Variants in KLHL2 observed in about 807,000 individuals in gnomAD.
KLHL2 encodes the protein kelch-like protein 2.
Under a neutral mutation model 75.8 loss-of-function variants are expected in KLHL2, and 15 were observed. That is an observed-to-expected ratio of 0.20 (90% confidence interval 0.13 to 0.30). KLHL2 has a LOEUF of 0.30. KLHL2 is among the 10% of genes least tolerant of loss of function. KLHL2 has a pLI of 1.00. For synonymous variants in KLHL2, 214 were observed against 251.9 expected (o/e 0.85, Z 1.42); for missense variants, 381 against 741.0 (o/e 0.51, Z 5.64).
intron 5 of KLHL2, among the ~76,000 whole-genome samples, chr4:165,272,542 C>G (rs115146063): frequency 6.6e-6 from 1 of 152,044 alleles, no homozygotes; most frequent in East Asian, 1.9e-4. Context: ...TCCTGGGCTG[C>G]CAGTTTTCTC....
chr4:165,287,350 G>T (rs1339902885), intron 5 of KLHL2, among the ~76,000 whole-genome samples: 2 of 152,048 alleles, frequency 1.3e-5, no homozygotes, highest in African/African-American at 2.4e-5. Context: ...TTAAGGAATT[G>T]TATGTATATA....
intron 4 of KLHL2, among the ~76,000 whole-genome samples, chr4:165,259,849 A>G (rs1246977453): frequency 1.3e-5 from 2 of 152,208 alleles, no homozygotes; most frequent in East Asian, 3.8e-4. Context: ...GACTCGCTGT[A>G]TGACTTGGTC....
intron 2 of KLHL2, among the ~76,000 whole-genome samples, chr4:165,222,455 G>A (rs1278758083): frequency 6.6e-6 from 1 of 152,120 alleles, no homozygotes; most frequent in Non-Finnish European, 1.5e-5. Context: ...CCTTTCAGCA[G>A]CTGGGTCTGG....
Position 165,220,015 on chromosome 4 carries a change from T to G in KLHL2, c.108T>G (p.Pro36=), listed in dbSNP as rs767286814. The change falls in exon 2 of 15, where the codon CCT becomes CCG. Residue 36 remains proline (P), a synonymous_variant. Coordinates refer to ENST00000226725, the MANE Select transcript of KLHL2 (RefSeq NM_007246.4). ...AACACTGCCCAGTGACAGTGAATCC[T>G]TGGCATATGAAGAAAGCTTTCAAAG... ...TEKHCPVTVN[P]WHMKKAFKVM... is the part of the protein sequence containing the mutation. 6.2e-7 allele frequency: 1 copy of G among 1,613,078 alleles called. No individual in the cohort carries two copies. Among genetic ancestry groups the G allele is most frequent in the South Asian group, 1.1e-5 (1 of 90,786 alleles).
intron 5 of KLHL2, among the ~76,000 whole-genome samples, chr4:165,264,747 T>TATATAC (rs1742086949): frequency 2.4e-5 from 2 of 83,734 alleles, no homozygotes; most frequent in Non-Finnish European, 4.5e-5. Context: ...TATGTATATA[T>TATATAC]ATATATATAT....
chr4:165,250,213 G>C (rs1236429112), intron 4 of KLHL2, among the ~76,000 whole-genome samples: 3 of 152,046 alleles, frequency 2.0e-5, no homozygotes, highest in Non-Finnish European at 4.4e-5. Flanking sequence ...TTCCAGATCT[G>C]CTCCTCCAAC....
intron 5 of KLHL2, chr4:165,278,743 G>A (rs1743385121): frequency 6.3e-7 from 1 of 1,585,620 alleles, no homozygotes; most frequent in Non-Finnish European, 8.7e-7. Context: ...CCACTGTGGT[G>A]AGAAGGCCAT....
At chr4:165,271,232 G>A (rs1264557084) in intron 5 of KLHL2, among the ~76,000 whole-genome samples, 2 of 152,040 alleles carry the variant, frequency 1.3e-5, no homozygotes, top group African/African-American at 4.8e-5. Flanking sequence ...TCTGTAGATT[G>A]CTTTGGACAG....
intron 4 of KLHL2, among the ~76,000 whole-genome samples, chr4:165,258,489 A>G (rs1741381383): frequency 6.6e-6 from 1 of 151,890 alleles, no homozygotes; most frequent in Non-Finnish European, 1.5e-5. Context: ...CTAGATGGAA[A>G]TTTCCATTAG....
At chr4:165,280,342 A>C (rs1053110056) in intron 5 of KLHL2, among the ~76,000 whole-genome samples, 11 of 152,234 alleles carry the variant, frequency 7.2e-5, no homozygotes, top group African/African-American at 2.7e-4. Flanking sequence ...CTGTAAGACC[A>C]GTTTTTATAA....
intron 4 of KLHL2, among the ~76,000 whole-genome samples, chr4:165,259,613 A>T (rs1323356537): frequency 6.6e-6 from 1 of 152,260 alleles, no homozygotes; most frequent in Admixed American, 6.5e-5. Context: ...TTGTCTGGCA[A>T]GTGCTTAGCA....
chr4:165,300,616 T>G (rs1321538489), intron 8 of KLHL2, among the ~76,000 whole-genome samples: 1 of 152,248 alleles, frequency 6.6e-6, no homozygotes, highest in Non-Finnish European at 1.5e-5. Context: ...AAATAACCCC[T>G]CATTTCTGTC....
In KLHL2 at chr4:165,263,165, A is replaced by C. The variant is rs1422224928; in HGVS notation, c.382-32A>C. On this transcript the variant is annotated intron_variant, in intron 4 of 14. Coordinates refer to ENST00000226725, the MANE Select transcript of KLHL2 (RefSeq NM_007246.4). ...CAAAGAGGCAGTGTTTTTCCACCCAAGTGCCTAAGAATATTGATGTGTGTG... is the reference window on the plus strand; with the variant it reads ...CAAAGAGGCAGTGTTTTTCCACCCACGTGCCTAAGAATATTGATGTGTGTG... The C allele has an allele frequency of 5.0e-6, 8 of 1,608,776 alleles. No homozygotes were observed. The South Asian group carries it at 5.5e-5, about 11-fold the overall frequency.
At chr4:165,274,917 C>T (rs7676311) in intron 5 of KLHL2, among the ~76,000 whole-genome samples, 46,119 of 151,856 alleles carry the variant, frequency 0.3, 7,550 homozygotes, top group African/African-American at 0.39. Flanking sequence ...CTGCTCACCC[C>T]GAGATGCTCT....
intron 5 of KLHL2, among the ~76,000 whole-genome samples, chr4:165,268,628 T>G (rs2126320181): frequency 6.6e-6 from 1 of 152,322 alleles, no homozygotes; most frequent in African/African-American, 2.4e-5. Flanking sequence ...TGGTTTTGAG[T>G]GAATTTCTTA....
intron 5 of KLHL2, chr4:165,279,346 C>G: frequency 6.3e-7 from 1 of 1,579,278 alleles, no homozygotes; most frequent in Non-Finnish European, 8.7e-7. Context: ...TTATCTTGTC[C>G]CAGACTACGG....
chr4:165,311,387 C>G (rs1348941268), intron 10 of KLHL2, 77 bp from the exon 11 acceptor site: 2 of 987,806 alleles, frequency 2.0e-6, no homozygotes, highest in African/African-American at 3.2e-5. Flanking sequence ...TATAACATAC[C>G]TGAAGTATTT....
intron 4 of KLHL2, among the ~76,000 whole-genome samples, chr4:165,248,779 G>T (rs1300827156): frequency 6.6e-6 from 1 of 152,124 alleles, no homozygotes; most frequent in African/African-American, 2.4e-5. Flanking sequence ...TAGGTTGTGA[G>T]GTAAAAAGTC....
At chr4:165,314,277 T>G in intron 13 of KLHL2, 111 bp downstream of exon 13, 1 of 1,025,334 alleles carries the variant, frequency 9.8e-7, no homozygotes, top group Non-Finnish European at 1.4e-6. Flanking sequence ...TTTACTGATC[T>G]GGGTTCCCTG....
Sources: gnomAD v4.1 joint callset for allele counts (sites outside exome capture counted in the v4.1 genomes callset) on GRCh38, gnomAD v4.1.1 for gene constraint, MANE v1.5 for transcripts, NCBI Gene and HGNC (gene_info 2026-07-23, HGNC 2026-07-21) for gene names.